Variants in CACNB2 observed in about 807,000 individuals in gnomAD.
The protein encoded by CACNB2 is voltage-dependent L-type calcium channel subunit beta-2.
Under a neutral mutation model 73.3 loss-of-function variants are expected in CACNB2, and 42 were observed. That is an observed-to-expected ratio of 0.57 (90% CI 0.45 to 0.74). The LOEUF is 0.74. CACNB2 is among the 30% of genes least tolerant of loss of function. The probability of loss-of-function intolerance (pLI) is 0.00; values close to 1 mark genes in which losing one functional copy is unlikely to be tolerated. For missense variants in CACNB2, 940 were observed against 853.0 expected, an observed-to-expected ratio of 1.10 and a Z score of -1.27; for synonymous variants, 348 against 310.3, an observed-to-expected ratio of 1.12 and a Z score of -1.28.
At chr10:18,384,814 C>T (rs1009110716) in intron 2 of CACNB2, among the ~76,000 whole-genome samples, 1 of 150,072 alleles carries the variant, frequency 6.7e-6, no homozygotes, top group African/African-American at 2.5e-5. Context: ...AAAAAAAAAT[C>T]AAGCATTACA....
intron 2 of CACNB2, among the ~76,000 whole-genome samples, chr10:18,283,384 A>G (rs1242335083): frequency 1.3e-5 from 2 of 152,184 alleles, no homozygotes; most frequent in Admixed American, 6.5e-5. Flanking sequence ...TATTTATTGC[A>G]GCACTATTCA....
At chr10:18,412,749 C>T (rs17690664) in intron 3 of CACNB2, among the ~76,000 whole-genome samples, 22,096 of 152,172 alleles carry the variant, frequency 0.15, 1,941 homozygotes, top group East Asian at 0.24. Context: ...ATGTGGAAGT[C>T]CATTCAACCA....
Position 18,341,123 on chromosome 10 carries a change from TCA to T in CACNB2, c.214-60798_214-60797del. On this transcript the variant is annotated intron_variant, in intron 2 of 13. Transcript: ENST00000324631. ...CTTATCTTGCCAGAAATGTTGCCAT[TCA>T]CAGTGTTATTACTTTAATGCTGTGG... The T allele has an allele frequency of 7.1e-6, 6 of 847,074 alleles. No individual in the cohort carries two copies. The South Asian group carries it at 7.2e-5, about 10-fold the overall frequency. 52.5% of individuals were successfully genotyped at this position (847,074 alleles called of 1,614,324 possible). A position where few individuals can be genotyped will look rare whatever the true frequency, so the allele number is the denominator to read the frequency against.
At chr10:18,525,652 T>A (rs1456757297) in intron 9 of CACNB2, among the ~76,000 whole-genome samples, 2 of 152,168 alleles carry the variant, frequency 1.3e-5, no homozygotes, top group East Asian at 3.9e-4. Flanking sequence ...ACCCTTTCAA[T>A]TCAGAAAATC....
intron 2 of CACNB2, among the ~76,000 whole-genome samples, chr10:18,329,704 A>C (rs1218061435): frequency 6.6e-6 from 1 of 152,130 alleles, no homozygotes; most frequent in Non-Finnish European, 1.5e-5. Flanking sequence ...TTTGTACCTC[A>C]TGATCTCATT....
chr10:18,539,018 T>C (rs536581600), intron 13 of CACNB2, among the ~76,000 whole-genome samples: 1 of 152,012 alleles, frequency 6.6e-6, no homozygotes, highest in Non-Finnish European at 1.5e-5. Flanking sequence ...CCATGGGCAC[T>C]GTTCTAGGCA....
At chr10:18,400,639 AG>A (rs1435675837) in intron 2 of CACNB2, 5 of 929,018 alleles carry the variant, frequency 5.4e-6, no homozygotes, top group Non-Finnish European at 6.2e-6. Flanking sequence ...TTTTTGCACT[AG>A]TTTTTTTTTT....
chr10:18,265,322 G>A (rs1036970839), intron 2 of CACNB2, among the ~76,000 whole-genome samples: 2 of 151,782 alleles, frequency 1.3e-5, no homozygotes, highest in Non-Finnish European at 2.9e-5. Flanking sequence ...TGGTAGAGAC[G>A]GGGTTTCACC....
rs148792981 is a variant in CACNB2 at position 18,299,198 on chromosome 10, G to A, written c.214-102726G>A. ...ATTAAAACTAGGAGCACCAGAAGTCGCATATAATGCCTCTTGCCCACAATT... is the reference window on the plus strand; with the variant it reads ...ATTAAAACTAGGAGCACCAGAAGTCACATATAATGCCTCTTGCCCACAATT... On this transcript the variant is annotated intron_variant, in intron 2 of 13. Coordinates refer to ENST00000324631, the MANE Select transcript of CACNB2 (RefSeq NM_201596.3). 3.4e-4 allele frequency among the ~76,000 whole-genome samples: 52 copies of A among 152,078 alleles called. No homozygotes were observed. In the East Asian group the frequency reaches 9.6e-3, roughly 28 times the overall value.
chr10:18,191,438 T>G (rs1026850174), intron 2 of CACNB2, among the ~76,000 whole-genome samples: 16 of 152,158 alleles, frequency 1.1e-4, no homozygotes, highest in Non-Finnish European at 1.9e-4. Context: ...CTAGTTTTTT[T>G]TTCTTTCTTA....
At chr10:18,412,425 T>C (rs1249407649) in intron 3 of CACNB2, among the ~76,000 whole-genome samples, 1 of 152,222 alleles carries the variant, frequency 6.6e-6, no homozygotes, top group African/African-American at 2.4e-5. Context: ...TTTTCCCTTC[T>C]TTCTACTGCC....
At chr10:18,468,159 T>C (rs1183450514) in intron 3 of CACNB2, among the ~76,000 whole-genome samples, 1 of 152,144 alleles carries the variant, frequency 6.6e-6, no homozygotes, top group East Asian at 1.9e-4. Context: ...TCAGGATTAC[T>C]GAAAAACTTA....
intron 2 of CACNB2, among the ~76,000 whole-genome samples, chr10:18,237,137 C>T (rs1206403339): frequency 1.3e-5 from 2 of 152,106 alleles, no homozygotes; most frequent in East Asian, 1.9e-4. Context: ...ATAGAGGTAG[C>T]AACCTACTCT....
At chr10:18,157,388 G>A (rs890478335) in intron 2 of CACNB2, among the ~76,000 whole-genome samples, 5 of 152,130 alleles carry the variant, frequency 3.3e-5, no homozygotes, top group Non-Finnish European at 5.9e-5. Context: ...GAAAAAAAAT[G>A]CTTACCTCAA....
chr10:18,258,219 A>G (rs1299096556), intron 2 of CACNB2, among the ~76,000 whole-genome samples: 2 of 152,214 alleles, frequency 1.3e-5, no homozygotes, highest in Non-Finnish European at 1.5e-5. Context: ...AGGTGGGTGG[A>G]ATATCTAATG....
intron 1 of CACNB2, among the ~76,000 whole-genome samples, chr10:18,148,306 A>G (rs193084479): frequency 6.6e-6 from 1 of 152,304 alleles, no homozygotes; most frequent in East Asian, 1.9e-4. Context: ...TTTTTCTCAA[A>G]ACTATCACCA....
At chr10:18,486,575 T>G (rs1400549300) in intron 3 of CACNB2, among the ~76,000 whole-genome samples, 1 of 152,212 alleles carries the variant, frequency 6.6e-6, no homozygotes, top group African/African-American at 2.4e-5. Flanking sequence ...AAAGCAAGTC[T>G]TGCGGCCAAA....
At chr10:18,508,687 C>A (rs1184545048) in intron 6 of CACNB2, among the ~76,000 whole-genome samples, 2 of 152,126 alleles carry the variant, frequency 1.3e-5, no homozygotes, top group Admixed American at 1.3e-4. Flanking sequence ...CTTCACTAAA[C>A]CCATCATAAA....
chr10:18,432,291 C>T (rs752183669), intron 3 of CACNB2, among the ~76,000 whole-genome samples: 3 of 152,036 alleles, frequency 2.0e-5, no homozygotes, highest in African/African-American at 4.8e-5. Context: ...AATCTGTCAC[C>T]CAAAAGCTTC....
Sources: gnomAD v4.1 joint callset for allele counts (sites outside exome capture counted in the v4.1 genomes callset) on GRCh38, gnomAD v4.1.1 for gene constraint, MANE v1.5 for transcripts, NCBI Gene and HGNC (gene_info 2026-07-23, HGNC 2026-07-21) for gene names.